The following ABCB4 variants were observed in gnomAD, a reference collection of about 807,000 sequenced individuals.
The protein encoded by ABCB4 is ATP binding cassette subfamily B member 4.
Under a neutral mutation model 145.7 loss-of-function variants are expected in ABCB4, and 76 were observed. The ratio of observed to expected loss-of-function variants is 0.52; its 90% confidence interval spans 0.43 to 0.63. The LOEUF (loss-of-function observed/expected upper bound fraction) is 0.63. ABCB4 is among the 30% of genes least tolerant of loss of function. ABCB4 has a pLI of 0.00. For synonymous variants in ABCB4, 517 were observed against 566.8 expected, an observed-to-expected ratio of 0.91 and a Z score of 1.25; for missense variants, 1,234 against 1,553.1, an observed-to-expected ratio of 0.79 and a Z score of 3.45.
intron 25 of ABCB4, among the ~76,000 whole-genome samples, chr7:87,407,493 A>G (rs530876687): frequency 6.6e-6 from 1 of 152,348 alleles, no homozygotes; most frequent in African/African-American, 2.4e-5. Flanking sequence ...GTTATGGCAG[A>G]TACAAGCATT....
intron 21 of ABCB4, among the ~76,000 whole-genome samples, chr7:87,416,807 C>T (rs923545381): frequency 1.3e-5 from 2 of 152,186 alleles, no homozygotes; most frequent in Non-Finnish European, 2.9e-5. Flanking sequence ...ATAACTGGCA[C>T]GTAGTAAGGC....
At chr7:87,433,060 T>C (rs1039678791) in intron 14 of ABCB4, among the ~76,000 whole-genome samples, 1 of 152,080 alleles carries the variant, frequency 6.6e-6, no homozygotes, top group Non-Finnish European at 1.5e-5. Flanking sequence ...AGTCCAGAAA[T>C]AGACATAAAC....
chr7:87,369,428 T>A, the ABCB4 span: 1 of 1,613,398 alleles, frequency 6.2e-7, no homozygotes, highest in South Asian at 1.1e-5. Context: ...GAGGCCGAGC[T>A]TTTGTCTTTG....
chr7:87,418,224 GC>G (rs1809134231), intron 20 of ABCB4, among the ~76,000 whole-genome samples: 1 of 152,152 alleles, frequency 6.6e-6, no homozygotes, highest in South Asian at 2.1e-4. Context: ...AGAGGTGTGT[GC>G]TCTCTTTCAC....
chr7:87,374,189 G>T, the ABCB4 span, among the ~76,000 whole-genome samples: 1 of 152,008 alleles, frequency 6.6e-6, no homozygotes, highest in African/African-American at 2.4e-5. Context: ...TAGATGTGTA[G>T]CTGAAAAACA....
chr7:87,430,041 T>C (rs902713405), intron 15 of ABCB4, among the ~76,000 whole-genome samples: 2 of 152,216 alleles, frequency 1.3e-5, no homozygotes, highest in Non-Finnish European at 2.9e-5. Flanking sequence ...TCTAAACTTA[T>C]AGCAACCTCT....
chr7:87,475,237 G>T, intron 2 of ABCB4, 149 bp downstream of exon 2: 1 of 902,440 alleles, frequency 1.1e-6, no homozygotes, highest in Non-Finnish European at 1.8e-6. Flanking sequence ...TTGCTCCAAG[G>T]TCAGAACCGG....
chr7:87,434,204 A>G (rs1810452389), intron 14 of ABCB4, among the ~76,000 whole-genome samples: 1 of 150,384 alleles, frequency 6.6e-6, no homozygotes. Context: ...AGCATCCCAA[A>G]GTTGTGGGAT....
the ABCB4 span, among the ~76,000 whole-genome samples, chr7:87,371,076 A>G: frequency 1.3e-5 from 2 of 152,196 alleles, no homozygotes; most frequent in Non-Finnish European, 2.9e-5. Context: ...TTCTTAATTG[A>G]ATGAACTCCA....
chr7:87,463,050 A>C, intron 3 of ABCB4, 142 bp from the exon 4 acceptor site: 1 of 680,288 alleles, frequency 1.5e-6, no homozygotes, highest in Non-Finnish European at 2.5e-6. Context: ...AGGCCTTCAA[A>C]TCATTAACAA....
At chr7:87,396,626 C>G in the ABCB4 span, among the ~76,000 whole-genome samples, 1 of 151,592 alleles carries the variant, frequency 6.6e-6, no homozygotes, top group Non-Finnish European at 1.5e-5. Flanking sequence ...TCCCCTGCCT[C>G]TTCTTTCATC....
At chr7:87,432,844 A>C (rs370816231) in intron 14 of ABCB4, among the ~76,000 whole-genome samples, 1 of 152,202 alleles carries the variant, frequency 6.6e-6, no homozygotes, top group East Asian at 1.9e-4. Flanking sequence ...TATATTTTTA[A>C]AGGGTGAATT....
chr7:87,446,896 G>T, intron 9 of ABCB4, 138 bp downstream of exon 9: 1 of 750,080 alleles, frequency 1.3e-6, no homozygotes, highest in Non-Finnish European at 2.2e-6. Flanking sequence ...CTGCCCACTG[G>T]ACAGTGGAAA....
chr7:87,373,255 A>G, the ABCB4 span, among the ~76,000 whole-genome samples: 531 of 152,252 alleles, frequency 3.5e-3, 5 homozygotes, highest in African/African-American at 0.012. Context: ...GAGATGTCTA[A>G]TCAGATACTT....
intron 9 of ABCB4, among the ~76,000 whole-genome samples, chr7:87,445,661 C>T (rs1201689332): frequency 6.6e-6 from 1 of 152,128 alleles, no homozygotes; most frequent in Non-Finnish European, 1.5e-5. Flanking sequence ...TCTCTCAGGG[C>T]ATGGTAAAAC....
intron 17 of ABCB4, among the ~76,000 whole-genome samples, chr7:87,422,661 TC>T (rs1809529175): frequency 6.6e-6 from 1 of 152,186 alleles, no homozygotes; most frequent in Admixed American, 6.5e-5. Context: ...TGTCCCTTGC[TC>T]CCTGTGACTC....
chr7:87,374,346 AT>A, the ABCB4 span, among the ~76,000 whole-genome samples: 1 of 152,064 alleles, frequency 6.6e-6, no homozygotes, highest in Non-Finnish European at 1.5e-5. Flanking sequence ...TTCCTTTGTA[AT>A]TTCTCCCTAA....
chr7:87,372,209 A>G, the ABCB4 span, among the ~76,000 whole-genome samples: 1 of 152,086 alleles, frequency 6.6e-6, no homozygotes, highest in East Asian at 1.9e-4. Context: ...TTATTGATTT[A>G]TAGCAATTAT....
intron 16 of ABCB4, among the ~76,000 whole-genome samples, chr7:87,424,856 C>T (rs528167155): frequency 2.6e-5 from 4 of 152,142 alleles, no homozygotes; most frequent in African/African-American, 7.2e-5. Context: ...GGATTTAGGT[C>T]TCATAAAGAA....
Sources: gnomAD v4.1 joint callset for allele counts (sites outside exome capture counted in the v4.1 genomes callset) on GRCh38, gnomAD v4.1.1 for gene constraint, MANE v1.5 for transcripts, NCBI Gene and HGNC (gene_info 2026-07-23, HGNC 2026-07-21) for gene names.